Variants in SVEP1 observed in about 807,000 individuals in gnomAD.
SVEP1 encodes sushi, von Willebrand factor type A, EGF and pentraxin domain-containing protein 1.
In SVEP1, 164 loss-of-function variants were observed where a neutral mutation model predicts 367.3. The ratio of observed to expected loss-of-function variants is 0.45; its 90% CI spans 0.39 to 0.51. The LOEUF is 0.51. SVEP1 is among the 20% of genes least tolerant of loss of function. The pLI is 0.00. For synonymous variants in SVEP1, 1,666 were observed against 1,611.6 expected (o/e 1.03, Z -0.81); for missense variants, 4,117 against 4,425.3 (o/e 0.93, Z 1.98).
intron 42 of SVEP1, 66 bp downstream of exon 42, chr9:110,387,219 T>TA (rs1827538837): frequency 2.8e-5 from 42 of 1,473,754 alleles, no homozygotes; most frequent in Non-Finnish European, 3.7e-5. Context: ...CTCTATGTTT[T>TA]GGATATGCGG....
chr9:110,462,186 GAA>G (rs1034107977), intron 18 of SVEP1, among the ~76,000 whole-genome samples: 48 of 152,008 alleles, frequency 3.2e-4, no homozygotes, highest in African/African-American at 1.1e-3. Flanking sequence ...TGCTCAAAAA[GAA>G]AAGATGTTTT....
chr9:110,408,037 G>T lies in SVEP1; in HGVS notation c.7563C>A (p.Thr2521=). Reference sequence around the variant, plus strand: ...GCCGAAAGCCTCGGTTGCAAGAGTAGGTAACGGTCTGTCCATAGTGTAGGT... The same window carrying T: ...GCCGAAAGCCTCGGTTGCAAGAGTATGTAACGGTCTGTCCATAGTGTAGGT... ...YTDLHYGQTV[T]YSCNRGFRLE... is the part of the protein sequence containing the mutation. The change falls in exon 38 of 48, where the codon ACC becomes ACA. Residue 2521 remains threonine (T), a synonymous_variant. Transcript: ENST00000374469. The T allele has an allele frequency of 6.2e-7, 1 of 1,614,016 alleles. No homozygotes were observed. The highest frequency in any genetic ancestry group is 8.5e-7 in the Non-Finnish European group (1 of 1,179,902).
In SVEP1 at chr9:110,499,249, G is replaced by A. The variant is rs1409004974; in HGVS notation, c.1484-11C>T. 5.0e-6 allele frequency: 8 copies of A among 1,596,486 alleles called. No homozygotes were observed. The highest frequency in any genetic ancestry group is 6.8e-6 in the Non-Finnish European group (8 of 1,170,266). On this transcript the variant is annotated splice_polypyrimidine_tract_variant and intron_variant, in intron 6 of 47. Coordinates refer to ENST00000374469, the MANE Select transcript of SVEP1 (RefSeq NM_153366.4). Reference sequence around the variant, plus strand: ...TGGAACAGTGGCGCTCTACGGTAGGGAAACAGAGAGAATGTTATTTGTGTT... The same window carrying A: ...TGGAACAGTGGCGCTCTACGGTAGGAAAACAGAGAGAATGTTATTTGTGTT...
At chr9:110,458,701 A>G in intron 19 of SVEP1, 139 bp from the exon 20 acceptor site, 1 of 949,276 alleles carries the variant, frequency 1.1e-6, no homozygotes, top group Non-Finnish European at 1.5e-6. Context: ...TTAAAAAAGA[A>G]AACAGAGATG....
intron 3 of SVEP1, 106 bp from the exon 4 acceptor site, chr9:110,514,212 C>T: frequency 6.9e-7 from 1 of 1,443,922 alleles, no homozygotes; most frequent in Non-Finnish European, 9.5e-7. Flanking sequence ...AATAGTTTTC[C>T]ATAGAAATGG....
intron 9 of SVEP1, among the ~76,000 whole-genome samples, chr9:110,488,290 C>A (rs2074677066): frequency 6.6e-6 from 1 of 152,006 alleles, no homozygotes; most frequent in Admixed American, 6.6e-5. Context: ...CTTTCAGAGT[C>A]CAGTTTGGAT....
chr9:110,540,713 T>C (rs1228295887), intron 3 of SVEP1, among the ~76,000 whole-genome samples: 10 of 152,200 alleles, frequency 6.6e-5, no homozygotes, highest in Admixed American at 3.3e-4. Context: ...ACTGAACTCT[T>C]TGACAGACTA....
At chr9:110,577,513 GA>G (rs1830640916) in intron 1 of SVEP1, among the ~76,000 whole-genome samples, 1 of 152,102 alleles carries the variant, frequency 6.6e-6, no homozygotes, top group Non-Finnish European at 1.5e-5. Flanking sequence ...CTGCTACATG[GA>G]AAACTATTTC....
intron 15 of SVEP1, 113 bp from the exon 16 acceptor site, chr9:110,471,710 G>A: frequency 5.0e-5 from 36 of 725,410 alleles, no homozygotes; most frequent in South Asian, 1.7e-4. Context: ...ACTAATAAGT[G>A]GTCTATAGAA....
Position 110,458,880 on chromosome 9 carries a change from T to C in SVEP1, c.3484+72A>G, listed in dbSNP as rs959019014. On this transcript the variant is annotated intron_variant, in intron 19 of 47. Transcript: ENST00000374469. ...CACCGAAAATAGTAATATTCAGAAC[T>C]GAAGCTACAACAGAGACAGGGAAAA... 1.9e-5 allele frequency: 29 copies of C among 1,541,028 alleles called. 2 individuals are homozygous for C. In the South Asian group the frequency reaches 3.5e-4, roughly 18 times the overall value.
chr9:110,486,532 T>C (rs1829279466), intron 9 of SVEP1, among the ~76,000 whole-genome samples: 1 of 151,402 alleles, frequency 6.6e-6, no homozygotes, highest in Non-Finnish European at 1.5e-5. Context: ...ATTTTCTTTC[T>C]CTCTCTCTCT....
intron 39 of SVEP1, among the ~76,000 whole-genome samples, chr9:110,401,839 T>A (rs1234140429): frequency 6.6e-6 from 1 of 152,058 alleles, no homozygotes; most frequent in East Asian, 1.9e-4. Flanking sequence ...TCTTGAAGAT[T>A]GTTATTCTAT....
rs367581377 is a variant in SVEP1 at position 110,493,764 on chromosome 9, C to CA, written c.1800+3050dup. Among the ~76,000 whole-genome samples, 271 of 152,108 alleles carry CA rather than the reference C, an allele frequency of 1.8e-3. 1 individual carries two copies. Among genetic ancestry groups the CA allele is most frequent in the African/African-American group, 6.1e-3 (255 of 41,494 alleles). On this transcript the variant is annotated intron_variant, in intron 8 of 47. Transcript: ENST00000374469. ...AAACAATCAAAAAGCAAAAAACAAA[C>CA]AAAAACAACAAGAATGTATTATCCT...
In SVEP1 at chr9:110,371,112, G is replaced by A. The variant is rs535422848; in HGVS notation, c.10601-1096C>T. ...TCCCCTTAGGGAGCTCTCTTGGTAA[G>A]TTAAGAGTAAGAGCTGGCCAGCAGA... On this transcript the variant is annotated intron_variant, in intron 46 of 47. Transcript: ENST00000374469. 2.0e-5 allele frequency among the ~76,000 whole-genome samples: 3 copies of A among 152,298 alleles called. No homozygotes were observed. The South Asian group carries it at 6.2e-4, about 32-fold the overall frequency.
At chr9:110,578,946 G>A (rs1208776806) in intron 1 of SVEP1, 67 bp downstream of exon 1, 4 of 1,504,718 alleles carry the variant, frequency 2.7e-6, no homozygotes, top group South Asian at 1.2e-5. Flanking sequence ...GGATAGAGAC[G>A]GGCAGGCAGC....
At chr9:110,498,763 T>C (rs1439825770) in intron 7 of SVEP1, among the ~76,000 whole-genome samples, 1 of 152,184 alleles carries the variant, frequency 6.6e-6, no homozygotes, top group African/African-American at 2.4e-5. Flanking sequence ...AGACCAAGAC[T>C]TCCCTAAAGA....
At chr9:110,442,845 T>C (rs1012300332) in intron 27 of SVEP1, 3 of 152,206 alleles carry the variant, frequency 2.0e-5, no homozygotes, top group Non-Finnish European at 2.9e-5. Context: ...AGTTTAGTAT[T>C]TTTGTGCTAT....
intron 27 of SVEP1, chr9:110,442,756 C>G (rs529988232): frequency 6.6e-6 from 1 of 152,094 alleles, no homozygotes; most frequent in African/African-American, 2.4e-5. Context: ...AGCCACCGTA[C>G]CTGGCCAATA....
intron 47 of SVEP1, among the ~76,000 whole-genome samples, chr9:110,369,183 T>G (rs959680757): frequency 3.9e-5 from 6 of 152,188 alleles, no homozygotes; most frequent in African/African-American, 1.2e-4. Flanking sequence ...TTGAAAATAT[T>G]TTATCTGTGG....
Sources: gnomAD v4.1 joint callset for allele counts (sites outside exome capture counted in the v4.1 genomes callset) on GRCh38, gnomAD v4.1.1 for gene constraint, MANE v1.5 for transcripts, NCBI Gene and HGNC (gene_info 2026-07-23, HGNC 2026-07-21) for gene names.